The following SUPT3H variants were observed in gnomAD, a reference collection of about 807,000 sequenced individuals.
The protein encoded by SUPT3H is SPT3 homolog, SAGA and STAGA complex component.
SUPT3H carries 44 observed loss-of-function variants against 44.3 expected under a neutral mutation model. That is an observed-to-expected ratio of 0.99 (90% CI 0.78 to 1.28). The LOEUF (loss-of-function observed/expected upper bound fraction) is 1.28. Ranked by LOEUF, SUPT3H falls within the 50% of genes most tolerant of loss-of-function variation. The pLI is 0.00. For missense variants in SUPT3H, 380 were observed against 387.1 expected (o/e 0.98, Z 0.15); for synonymous variants, 124 against 125.6 (o/e 0.99, Z 0.09).
At chr6:44,902,419 T>A (rs924715553) in intron 10 of SUPT3H, among the ~76,000 whole-genome samples, 14 of 151,892 alleles carry the variant, frequency 9.2e-5, no homozygotes, top group African/African-American at 3.1e-4. Context: ...ATTACAAAGA[T>A]CAAAAGAGAC....
At chr6:44,950,783 C>T (rs987809405) in intron 9 of SUPT3H, among the ~76,000 whole-genome samples, 1 of 149,936 alleles carries the variant, frequency 6.7e-6, no homozygotes, top group Non-Finnish European at 1.5e-5. Context: ...CTGTACATGG[C>T]ACTACCATTT....
At chr6:44,942,778 A>C (rs1050801209) in intron 9 of SUPT3H, among the ~76,000 whole-genome samples, 1 of 152,174 alleles carries the variant, frequency 6.6e-6, no homozygotes, top group Non-Finnish European at 1.5e-5. Flanking sequence ...TATGAAATGC[A>C]TGCAATCTCA....
At chr6:45,084,561 T>C (rs892257762) in intron 3 of SUPT3H, among the ~76,000 whole-genome samples, 1 of 152,118 alleles carries the variant, frequency 6.6e-6, no homozygotes, top group Non-Finnish European at 1.5e-5. Context: ...TTTGGAGATT[T>C]CACAAAGAAC....
At chr6:45,168,089 G>A (rs1283296828) in intron 2 of SUPT3H, among the ~76,000 whole-genome samples, 1 of 152,128 alleles carries the variant, frequency 6.6e-6, no homozygotes, top group Admixed American at 6.5e-5. Context: ...GGGATTACAG[G>A]TGTGAGCCAC....
At chr6:45,146,497 C>T (rs1384629988) in intron 2 of SUPT3H, among the ~76,000 whole-genome samples, 4 of 152,016 alleles carry the variant, frequency 2.6e-5, no homozygotes, top group East Asian at 1.9e-4. Flanking sequence ...GCATGGGTGA[C>T]GGTGCACCAG....
At chr6:45,348,375 A>G (rs1332405515) in intron 2 of SUPT3H, among the ~76,000 whole-genome samples, 1 of 151,816 alleles carries the variant, frequency 6.6e-6, no homozygotes, top group African/African-American at 2.4e-5. Flanking sequence ...TTAATCTAAA[A>G]TTTGGCAATA....
chr6:45,152,581 T>A (rs1807123141), intron 2 of SUPT3H, among the ~76,000 whole-genome samples: 1 of 152,134 alleles, frequency 6.6e-6, no homozygotes, highest in African/African-American at 2.4e-5. Context: ...AACCTGTGCC[T>A]CCCGGGTTCA....
At position 44,981,140 on chromosome 6, in the gene SUPT3H, C is replaced by T. The variant is rs533863075; in HGVS notation, c.505-19312G>A. On this transcript the variant is annotated intron_variant, in intron 6 of 10. Transcript: ENST00000371459. ...TTTACTGGAAGCCCAGCTATAGCTG[C>T]TATCCATCTCAAACTTCATCTTAGG... 7.9e-5 allele frequency among the ~76,000 whole-genome samples: 12 copies of T among 152,326 alleles called. No individual in the cohort carries two copies. In the South Asian group the frequency reaches 1.2e-3, roughly 16 times the overall value.
intron 3 of SUPT3H, among the ~76,000 whole-genome samples, chr6:45,075,806 GA>G (rs11346356): frequency 0.97 from 146,505 of 151,810 alleles, 70,721 homozygotes; most frequent in East Asian, 1. Flanking sequence ...TCAATTAAGG[GA>G]AAAAAAAAGA....
At chr6:45,012,172 T>C (rs147206748) in intron 5 of SUPT3H, among the ~76,000 whole-genome samples, 4 of 151,968 alleles carry the variant, frequency 2.6e-5, no homozygotes, top group African/African-American at 9.6e-5. Context: ...TTGGAGCTTG[T>C]TGATATGCTT....
intron 2 of SUPT3H, among the ~76,000 whole-genome samples, chr6:45,238,768 A>G (rs907857314): frequency 9.8e-5 from 15 of 152,328 alleles, no homozygotes; most frequent in African/African-American, 3.4e-4. Context: ...GTTAAATTAC[A>G]TGGATATGAT....
chr6:44,821,644 C>T (rs1222306655), intron 11 of SUPT3H, among the ~76,000 whole-genome samples: 1 of 151,816 alleles, frequency 6.6e-6, no homozygotes, highest in African/African-American at 2.4e-5. Context: ...TTCAAATAGG[C>T]AAAGCAATAA....
intron 2 of SUPT3H, among the ~76,000 whole-genome samples, chr6:45,186,946 CA>C (rs1381855072): frequency 1.3e-5 from 2 of 151,756 alleles, no homozygotes; most frequent in African/African-American, 4.8e-5. Context: ...ACACACTATC[CA>C]CTTCTTCATC....
chr6:45,227,714 C>T (rs1767198563), intron 2 of SUPT3H, among the ~76,000 whole-genome samples: 2 of 152,184 alleles, frequency 1.3e-5, no homozygotes, highest in South Asian at 4.1e-4. Flanking sequence ...ATGCCATGAA[C>T]AATAAGATTC....
At chr6:45,024,926 T>C (rs888846319) in intron 3 of SUPT3H, among the ~76,000 whole-genome samples, 13 of 152,102 alleles carry the variant, frequency 8.5e-5, no homozygotes, top group Admixed American at 7.2e-4. Context: ...AAACATCAGG[T>C]TTTCTTGTGT....
intron 6 of SUPT3H, among the ~76,000 whole-genome samples, chr6:44,978,421 C>T (rs1203093133): frequency 6.6e-6 from 1 of 152,134 alleles, no homozygotes; most frequent in African/African-American, 2.4e-5. Context: ...GTCTATATGA[C>T]CCCAAAGCCC....
chr6:44,916,377 AC>A (rs1434995283), intron 10 of SUPT3H, among the ~76,000 whole-genome samples: 1 of 152,006 alleles, frequency 6.6e-6, no homozygotes, highest in African/African-American at 2.4e-5. Flanking sequence ...TTTTTACCAT[AC>A]CCTTACTGCC....
intron 2 of SUPT3H, among the ~76,000 whole-genome samples, chr6:45,347,777 G>C (rs1267626238): frequency 6.8e-6 from 1 of 148,104 alleles, no homozygotes; most frequent in Non-Finnish European, 1.5e-5. Context: ...AAAAAAAAAA[G>C]ACGTATATTT....
chr6:45,144,818 A>G (rs1805778011), intron 2 of SUPT3H, among the ~76,000 whole-genome samples: 1 of 152,056 alleles, frequency 6.6e-6, no homozygotes, highest in Non-Finnish European at 1.5e-5. Context: ...AAATGAATTC[A>G]GTAGTTTCAG....
Sources: gnomAD v4.1 joint callset for allele counts (sites outside exome capture counted in the v4.1 genomes callset) on GRCh38, gnomAD v4.1.1 for gene constraint, MANE v1.5 for transcripts, NCBI Gene and HGNC (gene_info 2026-07-23, HGNC 2026-07-21) for gene names.